The following DEUP1 variants were observed in gnomAD, a reference collection of about 807,000 sequenced individuals.
The protein encoded by DEUP1 is coiled-coil domain containing 67.
Under a neutral mutation model 87.4 loss-of-function variants are expected in DEUP1, and 82 were observed. The observed-to-expected ratio is 0.94, with a 90% CI of 0.78 to 1.13. DEUP1 has a LOEUF of 1.13. Ranked by LOEUF, DEUP1 falls within the 50% of genes most tolerant of loss-of-function variation. The pLI is 0.00. For missense variants in DEUP1, 663 were observed against 681.5 expected (o/e 0.97, Z 0.30); for synonymous variants, 214 against 222.7 (o/e 0.96, Z 0.35).
At position 93,396,271 on chromosome 11, in the gene DEUP1, T is replaced by G; in HGVS notation, c.1272T>G (p.Thr424=). The stretch of plus-strand genomic sequence containing the variant: ...ATATGAAATATAAAGCTGTCAGAAC[T>G]GAAAACACACATCTAAAAGGAATGA... ...VSDMKYKAVR[T]ENTHLKGMMG... Residue 424 remains threonine (T), a synonymous_variant, in exon 11 of 14, where the codon ACT becomes ACG. Transcript: ENST00000298050. 4.4e-6 allele frequency: 7 copies of G among 1,586,600 alleles called. No individual in the cohort carries two copies. The highest frequency in any genetic ancestry group is 6.0e-6 in the Non-Finnish European group (7 of 1,165,992).
chr11:93,432,619 G>T (rs1477075990), intron 13 of DEUP1, among the ~76,000 whole-genome samples: 1 of 152,244 alleles, frequency 6.6e-6, no homozygotes, highest in African/African-American at 2.4e-5. Context: ...CAGGTTATTA[G>T]GATAGAGACA....
At chr11:93,391,083 G>GT (rs1436277468) in intron 9 of DEUP1, among the ~76,000 whole-genome samples, 1 of 116,484 alleles carries the variant, frequency 8.6e-6, no homozygotes, top group Non-Finnish European at 1.7e-5. Flanking sequence ...CTCTGTCTCA[G>GT]GAAAAAAAAA....
In DEUP1 at chr11:93,389,114, G is replaced by C. The variant is rs773302310; in HGVS notation, c.1030G>C (p.Glu344Gln). ...VMQDQPNHEK[E>Q]LNKIRSQLQQ... The stretch of plus-strand genomic sequence containing the variant: ...GCAAGATCAACCAAATCATGAAAAA[G>C]AATTGAACAAGGTATGAAAAATAAT... Residue 344 changes from glutamate to glutamine, a missense_variant, in exon 9 of 14, where the codon GAA becomes CAA. Physicochemically the swap from Glu to Gln is conservative, Grantham distance 29. Coordinates refer to ENST00000298050, the MANE Select transcript of DEUP1 (RefSeq NM_181645.4). 1.3e-6 allele frequency: 2 copies of C among 1,579,986 alleles called. No individual in the cohort carries two copies. Among genetic ancestry groups the C allele is most frequent in the Admixed American group, 1.7e-5 (1 of 57,344 alleles).
At chr11:93,419,457 G>A (rs1366032791) in intron 13 of DEUP1, among the ~76,000 whole-genome samples, 1 of 152,152 alleles carries the variant, frequency 6.6e-6, no homozygotes, top group African/African-American at 2.4e-5. Flanking sequence ...GGGCTAATCA[G>A]AAGTCAACAT....
intron 13 of DEUP1, among the ~76,000 whole-genome samples, chr11:93,428,700 A>T (rs1473788568): frequency 3.3e-5 from 5 of 152,210 alleles, no homozygotes; most frequent in African/African-American, 1.2e-4. Context: ...ATCACAATCT[A>T]ATTTTGAAAT....
At chr11:93,350,806 A>T (rs1944589524) in intron 2 of DEUP1, among the ~76,000 whole-genome samples, 1 of 151,752 alleles carries the variant, frequency 6.6e-6, no homozygotes, top group Non-Finnish European at 1.5e-5. Flanking sequence ...AAAAAAAAAA[A>T]TTAGCCAGAT....
At chr11:93,381,711 G>A (rs1327980219) in intron 7 of DEUP1, among the ~76,000 whole-genome samples, 1 of 152,062 alleles carries the variant, frequency 6.6e-6, no homozygotes, top group African/African-American at 2.4e-5. Context: ...TCATTAAGGT[G>A]CTAGAGCAAC....
chr11:93,370,934 T>C (rs1325214352), intron 6 of DEUP1, 104 bp from the exon 7 acceptor site: 2 of 1,013,560 alleles, frequency 2.0e-6, no homozygotes, highest in Non-Finnish European at 2.9e-6. Flanking sequence ...TGTAGTAACA[T>C]ATTTAAAGAT....
chr11:93,376,968 T>A (rs1264240906), intron 7 of DEUP1, among the ~76,000 whole-genome samples: 1 of 152,254 alleles, frequency 6.6e-6, no homozygotes, highest in East Asian at 1.9e-4. Flanking sequence ...TTTATCCCAC[T>A]GTGGTCTGAG....
chr11:93,418,047 C>A (rs1212625637), intron 13 of DEUP1, among the ~76,000 whole-genome samples: 1 of 152,088 alleles, frequency 6.6e-6, no homozygotes, highest in Non-Finnish European at 1.5e-5. Flanking sequence ...GGATTAAAGA[C>A]TTAAACGGTA....
At chr11:93,346,216 G>A (rs904700027) in intron 2 of DEUP1, among the ~76,000 whole-genome samples, 1 of 152,104 alleles carries the variant, frequency 6.6e-6, no homozygotes, top group South Asian at 2.1e-4. Flanking sequence ...TGGTCTATGT[G>A]TCTGTTCTTG....
chr11:93,350,427 C>G (rs75758855), intron 2 of DEUP1, among the ~76,000 whole-genome samples: 2,268 of 152,208 alleles, frequency 0.015, 25 homozygotes, highest in East Asian at 0.062. Context: ...AAAAATCTGT[C>G]TAAAACACAT....
At chr11:93,331,041 A>G (rs1252611490) in intron 1 of DEUP1, among the ~76,000 whole-genome samples, 3 of 152,224 alleles carry the variant, frequency 2.0e-5, no homozygotes, top group African/African-American at 7.2e-5. Flanking sequence ...CAAGCCACTT[A>G]ACTTGTCTGT....
chr11:93,366,325 A>C (rs1283901557), intron 5 of DEUP1, among the ~76,000 whole-genome samples: 2 of 152,226 alleles, frequency 1.3e-5, no homozygotes, highest in East Asian at 3.8e-4. Context: ...AACATATAGT[A>C]ATCACTAAAG....
chr11:93,396,267 G>C lies in DEUP1; in HGVS notation c.1268G>C (p.Arg423Thr). 6.3e-7 allele frequency: 1 copy of C among 1,584,936 alleles called. No homozygotes were observed. Among genetic ancestry groups the C allele is most frequent in the East Asian group, 2.3e-5 (1 of 43,994 alleles). The change falls in exon 11 of 14, where the codon AGA becomes ACA. Residue 423 changes from arginine to threonine, a missense_variant. Coordinates refer to ENST00000298050, the MANE Select transcript of DEUP1 (RefSeq NM_181645.4). ...KVSDMKYKAVRTENTHLKGMM... is the reference protein window; with the variant it reads ...KVSDMKYKAVTTENTHLKGMM... ...TCAGATATGAAATATAAAGCTGTCA[G>C]AACTGAAAACACACATCTAAAAGGA...
intron 7 of DEUP1, among the ~76,000 whole-genome samples, chr11:93,373,934 A>G (rs1218783785): frequency 1.3e-5 from 2 of 152,104 alleles, no homozygotes; most frequent in East Asian, 1.9e-4. Flanking sequence ...CCTTTTCACC[A>G]CAACCATACC....
At chr11:93,376,365 C>T (rs986036453) in intron 7 of DEUP1, among the ~76,000 whole-genome samples, 10 of 152,074 alleles carry the variant, frequency 6.6e-5, no homozygotes, top group South Asian at 2.1e-4. Flanking sequence ...TGTATATTTC[C>T]GGGAATTTGT....
intron 7 of DEUP1, among the ~76,000 whole-genome samples, chr11:93,380,794 T>A (rs1282135525): frequency 2.0e-5 from 3 of 152,068 alleles, no homozygotes; most frequent in Non-Finnish European, 4.4e-5. Context: ...TTTGTTCATT[T>A]AAAAAAAATT....
intron 7 of DEUP1, among the ~76,000 whole-genome samples, chr11:93,375,034 C>CTTTTTTTTTTTTTTTTTTTTT (rs60565734): frequency 7.9e-6 from 1 of 126,598 alleles, no homozygotes; most frequent in Non-Finnish European, 1.7e-5. Context: ...TTTTTCTTTT[C>CTTTTTTTTTTTTTTTTTTTTT]TTTTTTTTTT....
Sources: allele counts gnomAD v4.1 joint callset (sites outside exome capture counted in the v4.1 genomes callset), GRCh38; gene constraint gnomAD v4.1.1; transcripts MANE v1.5; gene names NCBI Gene and HGNC (gene_info 2026-07-23, HGNC 2026-07-21).